FSTL5: variants seen among roughly 807,000 people sequenced by gnomAD.
FSTL5 encodes follistatin like 5.
A neutral mutation model predicts 89.1 loss-of-function variants in FSTL5; 62 were observed. The observed-to-expected ratio is 0.70, with a 90% CI of 0.57 to 0.86. The LOEUF is 0.86. FSTL5 is among the 40% of genes least tolerant of loss of function. FSTL5 has a pLI of 0.00. For missense variants in FSTL5, 1,057 were observed against 1,001.6 expected, an observed-to-expected ratio of 1.06 and a Z score of -0.75; for synonymous variants, 383 against 346.2, an observed-to-expected ratio of 1.11 and a Z score of -1.18.
intron 7 of FSTL5, among the ~76,000 whole-genome samples, chr4:161,611,482 A>T (rs76065405): frequency 0.049 from 7,491 of 151,990 alleles, 599 homozygotes; most frequent in African/African-American, 0.17. Flanking sequence ...AAAATTTAGC[A>T]ATGTGTTACA....
chr4:161,565,821 G>T (rs1295192589), intron 8 of FSTL5, among the ~76,000 whole-genome samples: 2 of 144,592 alleles, frequency 1.4e-5, no homozygotes, highest in Admixed American at 1.4e-4. Flanking sequence ...ATTGGTTGAT[G>T]GACACTTAGA....
intron 4 of FSTL5, among the ~76,000 whole-genome samples, chr4:161,805,631 G>A (rs76548498): frequency 2.6e-5 from 4 of 152,058 alleles, no homozygotes; most frequent in Non-Finnish European, 5.9e-5. Context: ...GCTTTGTTGT[G>A]TTTGGGGCAT....
chr4:162,088,500 C>A (rs562508981), intron 2 of FSTL5, among the ~76,000 whole-genome samples: 56 of 151,876 alleles, frequency 3.7e-4, no homozygotes, highest in Non-Finnish European at 6.9e-4. Context: ...ATAAGTTAGT[C>A]GAAGTAATTT....
intron 6 of FSTL5, among the ~76,000 whole-genome samples, chr4:161,712,912 T>G (rs1355978380): frequency 6.6e-6 from 1 of 152,170 alleles, no homozygotes; most frequent in African/African-American, 2.4e-5. Context: ...ATTGTAAGCT[T>G]TCTAAGGCCT....
At chr4:161,572,234 G>A (rs560152742) in intron 8 of FSTL5, among the ~76,000 whole-genome samples, 4 of 145,432 alleles carry the variant, frequency 2.8e-5, no homozygotes, top group African/African-American at 5.1e-5. Flanking sequence ...CAGGAGAATC[G>A]TTTGAACCTA....
At chr4:161,613,353 T>C (rs1205314914) in intron 7 of FSTL5, among the ~76,000 whole-genome samples, 1 of 151,118 alleles carries the variant, frequency 6.6e-6, no homozygotes, top group East Asian at 2.0e-4. Flanking sequence ...GGGAGGCTGA[T>C]GCAGGAGAAT....
At chr4:161,880,885 G>A (rs1732605822) in intron 4 of FSTL5, among the ~76,000 whole-genome samples, 1 of 152,190 alleles carries the variant, frequency 6.6e-6, no homozygotes, top group South Asian at 2.1e-4. Flanking sequence ...CCATGAGGCA[G>A]GAATAAAGAG....
intron 6 of FSTL5, among the ~76,000 whole-genome samples, chr4:161,735,785 A>T (rs1429291327): frequency 1.3e-5 from 2 of 152,178 alleles, no homozygotes; most frequent in African/African-American, 4.8e-5. Flanking sequence ...CCAAATGTAC[A>T]GACTCGCCAG....
chr4:161,518,886 A>C (rs1055454276), intron 10 of FSTL5, among the ~76,000 whole-genome samples: 1 of 152,158 alleles, frequency 6.6e-6, no homozygotes, highest in Non-Finnish European at 1.5e-5. Flanking sequence ...GGTTACATTC[A>C]TCTGAAGGCT....
chr4:162,028,506 G>A (rs1737388553), intron 3 of FSTL5, among the ~76,000 whole-genome samples: 1 of 152,176 alleles, frequency 6.6e-6, no homozygotes. Flanking sequence ...GAACCCAGGA[G>A]GCGGAGGTTG....
chr4:161,994,355 G>A (rs926246575), intron 3 of FSTL5, among the ~76,000 whole-genome samples: 3 of 152,116 alleles, frequency 2.0e-5, no homozygotes, highest in African/African-American at 4.8e-5. Flanking sequence ...AAACATTCAT[G>A]CATGTATGGT....
intron 8 of FSTL5, among the ~76,000 whole-genome samples, chr4:161,555,565 A>G (rs1435936705): frequency 6.6e-6 from 1 of 151,596 alleles, no homozygotes; most frequent in Non-Finnish European, 1.5e-5. Context: ...TGTAGCTGAT[A>G]TGTTACAGTA....
At chr4:161,881,235 T>C (rs920258419) in intron 4 of FSTL5, among the ~76,000 whole-genome samples, 1 of 150,008 alleles carries the variant, frequency 6.7e-6, no homozygotes, top group Middle Eastern at 3.3e-3. Flanking sequence ...ATAAATCTAG[T>C]TTATCATTTG....
chr4:161,460,728 T>A (rs1244265181), intron 13 of FSTL5, among the ~76,000 whole-genome samples: 1 of 152,154 alleles, frequency 6.6e-6, no homozygotes, highest in Non-Finnish European at 1.5e-5. Flanking sequence ...CGAAAGAAAC[T>A]CACTTAACCA....
rs909778559 is a variant in FSTL5 at position 161,385,771 on chromosome 4, T to C, written c.2520A>G (p.Thr840=). ...TTTAGGCATCTCCAACCCAAATGAC[T>C]GTATTTCCTTTTTCAACTTCAGTGA... is the stretch of plus-strand genomic sequence containing the variant. The part of the protein sequence containing the change: ...CEITEVEKGN[T]VIWVGDA The change falls in exon 16 of 16, where the codon ACA becomes ACG. Residue 840 remains threonine (T), a synonymous_variant. Transcript: ENST00000306100. 6.2e-7 allele frequency: 1 copy of C among 1,605,546 alleles called. No homozygotes were observed. The highest frequency in any genetic ancestry group is 1.1e-5 in the South Asian group (1 of 89,326).
intron 13 of FSTL5, among the ~76,000 whole-genome samples, chr4:161,465,893 T>C (rs1012483602): frequency 1.3e-5 from 2 of 152,218 alleles, no homozygotes; most frequent in African/African-American, 4.8e-5. Context: ...TGCAGTTTTA[T>C]TGAATTATTA....
At chr4:161,405,643 G>C (rs1211801052) in intron 15 of FSTL5, among the ~76,000 whole-genome samples, 1 of 152,056 alleles carries the variant, frequency 6.6e-6, no homozygotes, top group Non-Finnish European at 1.5e-5. Context: ...AGAAATAATG[G>C]CCAACACTTT....
chr4:161,631,852 T>C (rs146363381), intron 7 of FSTL5, among the ~76,000 whole-genome samples: 17 of 152,296 alleles, frequency 1.1e-4, no homozygotes, highest in Non-Finnish European at 2.2e-4. Context: ...AGTACCTAAA[T>C]AGAGTTGGTA....
intron 8 of FSTL5, among the ~76,000 whole-genome samples, chr4:161,556,624 A>G (rs1732401628): frequency 6.6e-6 from 1 of 151,530 alleles, no homozygotes; most frequent in Non-Finnish European, 1.5e-5. Context: ...GCAGATAGAA[A>G]TGAATTCACG....
Sources: allele counts gnomAD v4.1 joint callset (sites outside exome capture counted in the v4.1 genomes callset), GRCh38; gene constraint gnomAD v4.1.1; transcripts MANE v1.5; gene names NCBI Gene and HGNC (gene_info 2026-07-23, HGNC 2026-07-21).